The following MAST3 variants were observed in gnomAD, a reference collection of about 807,000 sequenced individuals.
MAST3 encodes the protein microtubule-associated serine/threonine-protein kinase 3.
In MAST3, 43 loss-of-function variants were observed where a neutral mutation model predicts 127.0. The observed-to-expected ratio is 0.34, with a 90% CI of 0.27 to 0.44. The LOEUF (loss-of-function observed/expected upper bound fraction) is 0.44, where lower values mean the gene tolerates loss of function less well. MAST3 is among the 20% of genes least tolerant of loss of function. The pLI is 1.00. For synonymous variants in MAST3, 785 were observed against 809.2 expected, an observed-to-expected ratio of 0.97 and a Z score of 0.51; for missense variants, 1,390 against 1,919.1, an observed-to-expected ratio of 0.72 and a Z score of 5.15.
At chr19:18,117,688 C>T (rs1278292265) in intron 3 of MAST3, among the ~76,000 whole-genome samples, 1 of 152,198 alleles carries the variant, frequency 6.6e-6, no homozygotes, top group African/African-American at 2.4e-5. Flanking sequence ...GGGGTCAGTG[C>T]TCTGGGAGAG....
intron 17 of MAST3, 92 bp from the exon 18 acceptor site, chr19:18,135,648 C>G: frequency 1.0e-6 from 1 of 966,776 alleles, no homozygotes; most frequent in African/African-American, 1.6e-5. Context: ...GCTTGGAGTA[C>G]AGTGAAGTGA....
In MAST3 at chr19:18,111,530, CT is replaced by C. The variant is rs576984210; in HGVS notation, c.161+811del. ...TGAGCTGCTTAACTCTTTCCACAGA[CT>C]TTTTTTTTTTTTTTTTTTTTTGAGG... On this transcript the variant is annotated intron_variant, in intron 3 of 27. Transcript: ENST00000687212. Among the ~76,000 whole-genome samples the C allele has an allele frequency of 2.6e-3, 266 of 103,250 alleles. 1 individual carries two copies. The highest frequency in any genetic ancestry group is 0.021 in the East Asian group (84 of 4,046). 67.7% of individuals were successfully genotyped at this position (103,250 alleles called of 152,430 possible).
chr19:18,108,945 T>C (rs1489796095), intron 2 of MAST3, among the ~76,000 whole-genome samples: 1 of 152,062 alleles, frequency 6.6e-6, no homozygotes, highest in Non-Finnish European at 1.5e-5. Context: ...GAGCAATGGT[T>C]GAAGTTTTGT....
chr19:18,119,168 G>A (rs1188215472), intron 3 of MAST3, among the ~76,000 whole-genome samples: 2 of 152,176 alleles, frequency 1.3e-5, no homozygotes, highest in East Asian at 3.8e-4. Context: ...GAAGTGAACA[G>A]ATGATGCTTA....
chr19:18,105,344 C>T (rs139710285), intron 1 of MAST3, among the ~76,000 whole-genome samples: 7 of 150,430 alleles, frequency 4.7e-5, no homozygotes, highest in African/African-American at 1.7e-4. Flanking sequence ...TCCAGCCTGG[C>T]GATACAGTGA....
rs1190789792 is a variant in MAST3 at position 18,128,595 on chromosome 19, G to T, written c.1137+137G>T. ...TCGGTGACTTTGGAGGCAAGGTGACGGCACGTGGGACTGCCCTGCCTTGGA... is the reference window on the plus strand; with the variant it reads ...TCGGTGACTTTGGAGGCAAGGTGACTGCACGTGGGACTGCCCTGCCTTGGA... On this transcript the variant is annotated intron_variant, in intron 12 of 27. Transcript: ENST00000687212. The T allele has an allele frequency of 5.3e-6, 5 of 946,838 alleles. No individual in the cohort carries two copies. The South Asian group carries it at 6.3e-5, about 12-fold the overall frequency. The allele number at this position is 946,838 out of a possible 1,614,324, so 58.7% of individuals were successfully genotyped here.
In MAST3 at chr19:18,131,952, C is replaced by T. The variant is rs767646423; in HGVS notation, c.1476C>T (p.Pro492=). 16 of 1,612,726 alleles carry T rather than the reference C, an allele frequency of 9.9e-6. No individual in the cohort carries two copies. Among genetic ancestry groups the T allele is most frequent in the East Asian group, 2.2e-5 (1 of 44,824 alleles). ...TCCTGAAGAACATGGGCCCGCTGCC[C>T]GTGGACATGGCCCGCCTGTACTTCG... is the stretch of plus-strand genomic sequence containing the variant. The part of the protein sequence containing the change: ...ATLLKNMGPL[P]VDMARLYFAE... The change falls in exon 15 of 28, where the codon CCC becomes CCT. Residue 492 remains proline (P), a synonymous_variant. Coordinates refer to ENST00000687212, the MANE Select transcript of MAST3 (RefSeq NM_001393504.1).
intron 3 of MAST3, chr19:18,118,037 G>A (rs910803410): frequency 2.3e-6 from 2 of 881,720 alleles, no homozygotes; most frequent in Non-Finnish European, 2.7e-6. Flanking sequence ...CCTTCTCGCC[G>A]CCCCCCCATC....
chr19:18,119,814 T>A (rs2039745797), intron 3 of MAST3, among the ~76,000 whole-genome samples: 1 of 152,192 alleles, frequency 6.6e-6, no homozygotes. Flanking sequence ...CCTTTGATGA[T>A]CATACGCTTG....
chr19:18,135,892 AC>A, intron 18 of MAST3, 51 bp downstream of exon 18: 1 of 1,430,618 alleles, frequency 7.0e-7, no homozygotes, highest in Non-Finnish European at 9.6e-7. Context: ...AGGCCCTGGG[AC>A]CCAGGGAATG....
At position 18,145,725 on chromosome 19, in the gene MAST3, G is replaced by A. The variant is rs779129494; in HGVS notation, c.3040-18G>A. 8 of 1,568,220 alleles carry A rather than the reference G, an allele frequency of 5.1e-6. No individual in the cohort carries two copies. The highest frequency in any genetic ancestry group is 4.8e-5 in the East Asian group (2 of 41,880). On this transcript the variant is annotated intron_variant, in intron 24 of 27. Transcript: ENST00000687212. The surrounding 1 kb of genome is among the most constrained non-coding windows in gnomAD (Gnocchi z 5.9). ...TGGGGCCCAGGCCATTGACCCCACC[G>A]TTCTCGTCTGCCCCCAGAGTGTGGA...
rs200607674 is a variant in MAST3, at chr19:18,132,018, C to G, written c.1542C>G (p.Gly514=). 3.1e-6 allele frequency: 5 copies of G among 1,614,188 alleles called. No homozygotes were observed. The African/African-American group carries it at 4.0e-5, about 13-fold the overall frequency. ...CGCTGGAGTACCTGCATAACTATGGCATCGTGCACCGTGACCTCAAACCAG... is the reference window on the plus strand; with the variant it reads ...CGCTGGAGTACCTGCATAACTATGGGATCGTGCACCGTGACCTCAAACCAG... ...VLALEYLHNY[G]IVHRDLKPDN... Residue 514 remains glycine, a synonymous_variant, in exon 15 of 28, where the codon GGC becomes GGG. Coordinates refer to ENST00000687212, the MANE Select transcript of MAST3 (RefSeq NM_001393504.1).
chr19:18,123,886 G>A, intron 8 of MAST3, 53 bp from the exon 9 acceptor site: 1 of 1,484,480 alleles, frequency 6.7e-7, no homozygotes. Flanking sequence ...CATTCTGCGT[G>A]TGTCACTCCA....
At chr19:18,122,066 C>T in intron 5 of MAST3, 144 bp downstream of exon 5, 1 of 1,470,652 alleles carries the variant, frequency 6.8e-7, no homozygotes, top group Admixed American at 2.3e-5. Context: ...GTGGTCTCCC[C>T]CTCTGGCTCC....
intron 2 of MAST3, among the ~76,000 whole-genome samples, chr19:18,108,509 G>A (rs1265509709): frequency 1.3e-4 from 20 of 151,758 alleles, no homozygotes; most frequent in Non-Finnish European, 1.5e-5. Context: ...GAGTAGCTGA[G>A]ACTACACATG....
chr19:18,107,639 C>A (rs201473760), intron 2 of MAST3, 21 bp downstream of exon 2: 5 of 1,610,134 alleles, frequency 3.1e-6, no homozygotes, highest in East Asian at 2.2e-5. Flanking sequence ...CTGGGACTGG[C>A]GGGCTGGGTG....
intron 1 of MAST3, among the ~76,000 whole-genome samples, chr19:18,106,993 T>G (rs1438165194): frequency 3.1e-5 from 3 of 97,348 alleles, no homozygotes; most frequent in Non-Finnish European, 4.6e-5. Context: ...TTTTTTTTTT[T>G]TTTGTAGAGA....
chr19:18,104,215 A>G (rs1281121947), intron 1 of MAST3, among the ~76,000 whole-genome samples: 1 of 133,080 alleles, frequency 7.5e-6, no homozygotes, highest in East Asian at 2.5e-4. Context: ...AAAAAAAAAA[A>G]AAAATTCCCA....
intron 3 of MAST3, among the ~76,000 whole-genome samples, chr19:18,114,766 G>C (rs775901628): frequency 3.3e-5 from 5 of 152,118 alleles, no homozygotes; most frequent in Admixed American, 6.6e-5. Context: ...AGGCAAAGTG[G>C]CTGTTCCAGG....
Sources: allele counts gnomAD v4.1 joint callset (sites outside exome capture counted in the v4.1 genomes callset), GRCh38; gene constraint gnomAD v4.1.1; non-coding constraint Gnocchi (gnomAD v3.1); transcripts MANE v1.5; gene names NCBI Gene and HGNC (gene_info 2026-07-23, HGNC 2026-07-21).